Variants in EPHB1 observed in about 807,000 individuals in gnomAD.
EPHB1 encodes ephrin type-B receptor 1.
EPHB1 carries 30 observed loss-of-function variants against 94.4 expected under a neutral mutation model. The observed-to-expected ratio is 0.32, with a 90% CI of 0.24 to 0.43. EPHB1 has a LOEUF of 0.43. EPHB1 is among the 20% of genes least tolerant of loss of function. The pLI is 1.00. For synonymous variants in EPHB1, 522 were observed against 489.1 expected (o/e 1.07, Z -0.89); for missense variants, 1,055 against 1,308.3 (o/e 0.81, Z 2.99).
chr3:135,011,803 G>A (rs1379230965), intron 3 of EPHB1, among the ~76,000 whole-genome samples: 8 of 152,184 alleles, frequency 5.3e-5, no homozygotes, highest in Admixed American at 2.0e-4. Flanking sequence ...TGCTTTCATT[G>A]TTCTTCCAAA....
At chr3:134,940,377 G>A (rs2039088059) in intron 2 of EPHB1, among the ~76,000 whole-genome samples, 1 of 152,314 alleles carries the variant, frequency 6.6e-6, no homozygotes. Context: ...AAAGTAAATA[G>A]TATTTTGCGA....
chr3:135,081,740 T>C (rs1374201997), intron 3 of EPHB1, among the ~76,000 whole-genome samples: 1 of 151,302 alleles, frequency 6.6e-6, no homozygotes, highest in Non-Finnish European at 1.5e-5. Flanking sequence ...CTGAGAGGAG[T>C]ATAATGGGGC....
At chr3:135,140,855 A>G (rs1940799076) in intron 5 of EPHB1, among the ~76,000 whole-genome samples, 1 of 152,244 alleles carries the variant, frequency 6.6e-6, no homozygotes, top group African/African-American at 2.4e-5. Context: ...CAGGAGCACC[A>G]GGGGTTTCTG....
At chr3:134,937,701 A>G (rs2107707938) in intron 2 of EPHB1, among the ~76,000 whole-genome samples, 1 of 152,304 alleles carries the variant, frequency 6.6e-6, no homozygotes, top group South Asian at 2.1e-4. Context: ...CTGTCAATGG[A>G]GTCCAGGCCT....
At chr3:135,000,090 C>T (rs548560290) in intron 3 of EPHB1, among the ~76,000 whole-genome samples, 19 of 152,340 alleles carry the variant, frequency 1.2e-4, no homozygotes, top group Non-Finnish European at 7.3e-5. Flanking sequence ...CCCACCTCCT[C>T]ACTGGAAATT....
chr3:135,108,404 A>T (rs929849807), intron 4 of EPHB1, among the ~76,000 whole-genome samples: 3 of 152,232 alleles, frequency 2.0e-5, no homozygotes, highest in Admixed American at 6.5e-5. Context: ...AATTTATTTC[A>T]TGTAAACATT....
At chr3:134,979,693 A>C (rs1455053339) in intron 3 of EPHB1, among the ~76,000 whole-genome samples, 6 of 152,194 alleles carry the variant, frequency 3.9e-5, no homozygotes, top group Non-Finnish European at 8.8e-5. Flanking sequence ...TTAAACTATG[A>C]TGTTAGGTGT....
chr3:134,831,821 T>C (rs536915688), intron 1 of EPHB1, among the ~76,000 whole-genome samples: 1 of 152,326 alleles, frequency 6.6e-6, no homozygotes, highest in East Asian at 1.9e-4. Flanking sequence ...AAGAGGAGAT[T>C]CTATATTCTT....
intron 3 of EPHB1, among the ~76,000 whole-genome samples, chr3:135,024,706 G>A (rs1377806941): frequency 1.3e-5 from 2 of 152,114 alleles, no homozygotes; most frequent in African/African-American, 4.8e-5. Context: ...AATTCCATGA[G>A]TACCAAAAGG....
intron 1 of EPHB1, among the ~76,000 whole-genome samples, chr3:134,844,878 T>G (rs757959332): frequency 2.0e-5 from 3 of 152,188 alleles, no homozygotes; most frequent in Non-Finnish European, 4.4e-5. Context: ...CTCTACCAGT[T>G]TGCATGTGTT....
chr3:135,159,029 G>T (rs572775076), intron 6 of EPHB1, among the ~76,000 whole-genome samples: 8 of 152,150 alleles, frequency 5.3e-5, no homozygotes, highest in African/African-American at 1.9e-4. Context: ...TTATTCATTT[G>T]GCATTGAGTT....
rs375518376 is a variant in EPHB1, at chr3:135,132,961, C to G, written c.1209C>G (p.Thr403=). The G allele has an allele frequency of 1.2e-6, 2 of 1,613,976 alleles. No homozygotes were observed. Among genetic ancestry groups the G allele is most frequent in the African/African-American group, 2.7e-5 (2 of 75,070 alleles). Residue 403 remains threonine, a synonymous_variant, in exon 5 of 16, where the codon ACC becomes ACG. Transcript: ENST00000398015. ...GCCTGTGGGCCCACACCCCCTACAC[C>G]TTTGACATCCAGGCCATCAATGGAG... The part of the protein sequence containing the change: ...ISSLWAHTPY[T]FDIQAINGVS...
intron 1 of EPHB1, among the ~76,000 whole-genome samples, chr3:134,864,257 C>T (rs1297833407): frequency 1.3e-5 from 2 of 152,140 alleles, no homozygotes; most frequent in East Asian, 1.9e-4. Flanking sequence ...GAAACATGCT[C>T]AGCCATCCTA....
chr3:135,015,536 C>G (rs1034248742), intron 3 of EPHB1, among the ~76,000 whole-genome samples: 10 of 152,146 alleles, frequency 6.6e-5, no homozygotes, highest in Admixed American at 5.2e-4. Context: ...GCCACCATGC[C>G]CAGCTTGTTT....
At chr3:135,131,370 C>A (rs1940409037) in intron 4 of EPHB1, among the ~76,000 whole-genome samples, 1 of 152,208 alleles carries the variant, frequency 6.6e-6, no homozygotes, top group African/African-American at 2.4e-5. Flanking sequence ...GTTATTCCCT[C>A]ATTTTTTGTG....
intron 1 of EPHB1, among the ~76,000 whole-genome samples, chr3:134,910,633 G>A (rs1578189739): frequency 6.6e-6 from 1 of 152,322 alleles, no homozygotes. Flanking sequence ...TGCATTCCCT[G>A]ACAAGAAGGG....
intron 12 of EPHB1, among the ~76,000 whole-genome samples, chr3:135,206,969 A>G (rs1942917089): frequency 6.6e-6 from 1 of 152,200 alleles, no homozygotes; most frequent in South Asian, 2.1e-4. Context: ...GCAATTTAAA[A>G]TCTTCCTGTC....
intron 3 of EPHB1, among the ~76,000 whole-genome samples, chr3:135,071,844 C>G (rs977676711): frequency 3.0e-4 from 45 of 152,176 alleles, no homozygotes; most frequent in African/African-American, 1.1e-3. Context: ...TTTCCTTTTT[C>G]ACTTTGATTG....
At chr3:135,202,417 C>T (rs1210979251) in intron 12 of EPHB1, among the ~76,000 whole-genome samples, 4 of 150,618 alleles carry the variant, frequency 2.7e-5, no homozygotes, top group Non-Finnish European at 5.9e-5. Flanking sequence ...CCCTCAGCGG[C>T]CCCCATAGGG....
Sources: gnomAD v4.1 joint callset for allele counts (sites outside exome capture counted in the v4.1 genomes callset) on GRCh38, gnomAD v4.1.1 for gene constraint, MANE v1.5 for transcripts, NCBI Gene and HGNC (gene_info 2026-07-23, HGNC 2026-07-21) for gene names.